The following TPH2 variants were observed in gnomAD, a reference collection of about 807,000 sequenced individuals.
TPH2 encodes tryptophan hydroxylase 2.
TPH2 carries 27 observed loss-of-function variants against 59.1 expected under a neutral mutation model. The observed-to-expected ratio is 0.46, with a 90% CI of 0.34 to 0.63. The LOEUF is 0.63. Among genes scored for constraint, TPH2 ranks in the 30% least tolerant of loss-of-function variants. The pLI, the probability that TPH2 is intolerant of heterozygous loss-of-function variation, is 0.01. For missense variants in TPH2, 523 were observed against 588.3 expected, an observed-to-expected ratio of 0.89 and a Z score of 1.15; for synonymous variants, 220 against 210.5, an observed-to-expected ratio of 1.05 and a Z score of -0.39.
At chr12:72,021,787 T>C (rs757816111) in intron 8 of TPH2, among the ~76,000 whole-genome samples, 2 of 152,208 alleles carry the variant, frequency 1.3e-5, no homozygotes, top group Non-Finnish European at 2.9e-5. Context: ...CATATACATA[T>C]GCAAACATAG....
intron 7 of TPH2, among the ~76,000 whole-genome samples, chr12:71,986,377 A>G (rs1872434809): frequency 6.6e-6 from 1 of 152,192 alleles, no homozygotes; most frequent in African/African-American, 2.4e-5. Flanking sequence ...GTTTTCAATC[A>G]TAATATTGTG....
chr12:71,972,613 G>A lies in TPH2; in HGVS notation c.703G>A (p.Ala235Thr), dbSNP rs1286217998. The A allele has an allele frequency of 6.2e-7, 1 of 1,614,138 alleles. No homozygotes were observed. Among genetic ancestry groups the A allele is most frequent in the South Asian group, 1.1e-5 (1 of 91,080 alleles). ...GCTCTCCAAACTCTATCCCACTCAT[G>A]CTTGCCGAGAGTATTTGAAAAACTT... is the stretch of plus-strand genomic sequence containing the variant. ...RELSKLYPTH[A>T]CREYLKNFPL... Residue 235 changes from alanine (A) to threonine (T), a missense_variant, in exon 6 of 11, where the codon GCT becomes ACT. Transcript: ENST00000333850.
intron 1 of TPH2, among the ~76,000 whole-genome samples, chr12:71,940,125 A>T (rs576210213): frequency 6.6e-6 from 1 of 152,314 alleles, no homozygotes; most frequent in Non-Finnish European, 1.5e-5. Context: ...TATTACAATG[A>T]AGAGTTTTGA....
chr12:72,020,523 T>G (rs764216460), intron 8 of TPH2, among the ~76,000 whole-genome samples: 1 of 152,124 alleles, frequency 6.6e-6, no homozygotes, highest in African/African-American at 2.4e-5. Flanking sequence ...AGTTTTGCTC[T>G]TGTTGCCCAG....
chr12:71,990,649 G>A (rs1222474752), intron 7 of TPH2, among the ~76,000 whole-genome samples: 1 of 152,196 alleles, frequency 6.6e-6, no homozygotes, highest in Non-Finnish European at 1.5e-5. Flanking sequence ...CAGTGGGATA[G>A]AGAACAATAT....
intron 8 of TPH2, among the ~76,000 whole-genome samples, chr12:72,007,628 AG>A (rs1872989892): frequency 6.6e-6 from 1 of 152,202 alleles, no homozygotes; most frequent in African/African-American, 2.4e-5. Context: ...GTTGGTACAC[AG>A]GGGTCCTATG....
At chr12:71,993,467 C>G (rs1872624880) in intron 7 of TPH2, among the ~76,000 whole-genome samples, 1 of 152,192 alleles carries the variant, frequency 6.6e-6, no homozygotes, top group African/African-American at 2.4e-5. Context: ...TCCATTACAG[C>G]TTGGTATCAC....
rs769711795 is a variant in TPH2, at chr12:71,961,733, C to T, written c.609-10786C>T. On this transcript the variant is annotated intron_variant, in intron 5 of 10. Transcript: ENST00000333850. ...GTTTTTGCAGATGAAAATCACTTCT[C>T]TAGAATATGAAGAGGACTTTCTGCA... 4 of 1,345,282 alleles carry T rather than the reference C, an allele frequency of 3.0e-6. No individual in the cohort carries two copies. In the Admixed American group the frequency reaches 7.7e-5, roughly 26 times the overall value. 83.3% of individuals were successfully genotyped at this position (1,345,282 alleles called of 1,614,324 possible).
At chr12:72,020,359 A>G (rs531632822) in intron 8 of TPH2, among the ~76,000 whole-genome samples, 24 of 152,360 alleles carry the variant, frequency 1.6e-4, no homozygotes, top group East Asian at 7.7e-4. Flanking sequence ...AGCAGCACAT[A>G]TCATGCATAT....
chr12:71,965,863 G>A (rs1038324622), intron 5 of TPH2, among the ~76,000 whole-genome samples: 8 of 152,148 alleles, frequency 5.3e-5, no homozygotes, highest in Non-Finnish European at 1.2e-4. Flanking sequence ...TGCTTTTGGT[G>A]TCTTTGTCAT....
intron 5 of TPH2, among the ~76,000 whole-genome samples, chr12:71,959,769 T>C (rs1871625260): frequency 6.6e-6 from 1 of 152,140 alleles, no homozygotes; most frequent in Admixed American, 6.5e-5. Flanking sequence ...GGGAAGGTTA[T>C]GCTTTCTTAA....
At chr12:71,979,193 G>C (rs1024627246) in intron 7 of TPH2, 106 bp downstream of exon 7, 75 of 1,445,116 alleles carry the variant, frequency 5.2e-5, no homozygotes, top group Non-Finnish European at 7.2e-5. Context: ...TAATTTCCTT[G>C]AGCTAGTGAG....
At chr12:72,002,854 A>G (rs575108655) in intron 8 of TPH2, among the ~76,000 whole-genome samples, 1 of 152,158 alleles carries the variant, frequency 6.6e-6, no homozygotes, top group East Asian at 1.9e-4. Context: ...ATTTGTTCCA[A>G]GTAAAAGAAT....
chr12:71,998,837 G>A (rs1359080609), intron 8 of TPH2, among the ~76,000 whole-genome samples: 1 of 152,104 alleles, frequency 6.6e-6, no homozygotes, highest in Admixed American at 6.5e-5. Flanking sequence ...TCTATAGAGA[G>A]GACAAATGGA....
chr12:71,977,906 A>T (rs2139207661), intron 6 of TPH2, among the ~76,000 whole-genome samples: 1 of 152,374 alleles, frequency 6.6e-6, no homozygotes, highest in Non-Finnish European at 1.5e-5. Flanking sequence ...CTGTTCGGTC[A>T]ACAATGGACC....
chr12:71,976,609 A>G (rs1253592668), intron 6 of TPH2, among the ~76,000 whole-genome samples: 1 of 152,228 alleles, frequency 6.6e-6, no homozygotes, highest in Non-Finnish European at 1.5e-5. Flanking sequence ...TGGAAAAAGA[A>G]GAAAATACAC....
chr12:72,015,476 C>T (rs1480256775), intron 8 of TPH2, among the ~76,000 whole-genome samples: 1 of 151,840 alleles, frequency 6.6e-6, no homozygotes, highest in Non-Finnish European at 1.5e-5. Flanking sequence ...CCCACCACCA[C>T]GCCCAGCTAA....
chr12:71,939,468 G>C (rs1038643646), intron 1 of TPH2, among the ~76,000 whole-genome samples: 5 of 151,500 alleles, frequency 3.3e-5, no homozygotes, highest in Admixed American at 6.6e-5. Flanking sequence ...GGAGTAGGGA[G>C]AACAAATTAA....
intron 5 of TPH2, among the ~76,000 whole-genome samples, chr12:71,950,704 G>A (rs1006844393): frequency 5.3e-5 from 8 of 152,208 alleles, no homozygotes; most frequent in East Asian, 1.9e-4. Context: ...GGAAAGATTC[G>A]TCCTACCCCA....
Sources: allele counts gnomAD v4.1 joint callset (sites outside exome capture counted in the v4.1 genomes callset), GRCh38; gene constraint gnomAD v4.1.1; transcripts MANE v1.5; gene names NCBI Gene and HGNC (gene_info 2026-07-23, HGNC 2026-07-21).